CDH26: variants seen among roughly 807,000 people sequenced by gnomAD.
CDH26 encodes cadherin 26.
Under a neutral mutation model 90.3 loss-of-function variants are expected in CDH26, and 83 were observed. The ratio of observed to expected loss-of-function variants is 0.92; its 90% CI spans 0.77 to 1.10. CDH26 has a LOEUF of 1.10. CDH26 is among the 50% of genes least tolerant of loss of function. CDH26 has a pLI of 0.00. For missense variants in CDH26, 1,013 were observed against 1,037.6 expected (o/e 0.98, Z 0.33); for synonymous variants, 397 against 396.3 (o/e 1.00, Z -0.02).
intron 7 of CDH26, among the ~76,000 whole-genome samples, chr20:60,021,412 A>G (rs1172880146): frequency 6.6e-6 from 1 of 152,122 alleles, no homozygotes; most frequent in Non-Finnish European, 1.5e-5. Flanking sequence ...ACAGCCCACA[A>G]AGCCTTCATA....
chr20:59,999,232 C>T (rs2061642992), intron 13 of CDH26, among the ~76,000 whole-genome samples: 1 of 152,108 alleles, frequency 6.6e-6, no homozygotes, highest in South Asian at 2.1e-4. Context: ...GCACAGAATA[C>T]CATGCAATGC....
downstream of CDH26, among the ~76,000 whole-genome samples, chr20:60,034,324 C>A (rs1431350854): frequency 1.3e-5 from 2 of 152,184 alleles, no homozygotes. Context: ...GTGTCAGGAA[C>A]TGTGGGGCCA....
In CDH26 at chr20:60,006,890, G is replaced by C. The variant is rs138451752; in HGVS notation, c.2295+103G>C. 326 of 819,470 alleles carry C rather than the reference G, an allele frequency of 4.0e-4. 1 individual carries two copies. The Middle Eastern group carries it at 9.2e-3, about 23-fold the overall frequency. 50.8% of individuals were successfully genotyped at this position (819,470 alleles called of 1,614,324 possible). On this transcript the variant is annotated intron_variant, in intron 17 of 17. Coordinates refer to ENST00000348616, the MANE Select transcript of CDH26 (RefSeq NM_177980.4). ...CACTTCCTCCTAAATCACTGCATTAGTCAGCTAAGGCTGCCATAATAAAAT... is the reference window on the plus strand; with the variant it reads ...CACTTCCTCCTAAATCACTGCATTACTCAGCTAAGGCTGCCATAATAAAAT...
chr20:60,006,640 C>T, intron 16 of CDH26, 73 bp from the exon 17 acceptor site: 2 of 1,064,438 alleles, frequency 1.9e-6, no homozygotes, highest in South Asian at 2.5e-5. Context: ...ATGCTGGGGC[C>T]ACTGACACAC....
intron 5 of CDH26, among the ~76,000 whole-genome samples, chr20:59,983,924 G>C (rs1295134512): frequency 6.6e-6 from 1 of 152,120 alleles, no homozygotes; most frequent in Non-Finnish European, 1.5e-5. Flanking sequence ...GTGCTTTAAA[G>C]TATTTGACCG....
Position 59,989,177 on chromosome 20 carries a change from G to A in CDH26, c.1283+14G>A, listed in dbSNP as rs772810910. The A allele has an allele frequency of 6.2e-7, 1 of 1,612,666 alleles. No homozygotes were observed. Among genetic ancestry groups the A allele is most frequent in the Non-Finnish European group, 8.5e-7 (1 of 1,179,026 alleles). Reference sequence around the variant, plus strand: ...CAGCCAGATAAGGTGAGAAGAGAGGGCCAAGAAGGGCGGTTGTTTAAGTGG... The same window carrying A: ...CAGCCAGATAAGGTGAGAAGAGAGGACCAAGAAGGGCGGTTGTTTAAGTGG... On this transcript the variant is annotated intron_variant, in intron 9 of 17. Coordinates refer to ENST00000348616, the MANE Select transcript of CDH26 (RefSeq NM_177980.4).
At chr20:60,019,419 A>G (rs1314727450), downstream of CDH26, among the ~76,000 whole-genome samples, 4 of 152,054 alleles carry the variant, frequency 2.6e-5, no homozygotes, top group African/African-American at 7.2e-5. Context: ...TCTGCCTGTT[A>G]TTTCAAAAGA....
chr20:59,995,919 T>C lies in CDH26; in HGVS notation c.1753T>C (p.Ser585Pro), dbSNP rs745636335. Residue 585 changes from serine to proline, a missense_variant, in exon 12 of 18, where the codon TCC (serine) becomes CCC (proline). By Grantham distance (74) the Ser-to-Pro change is moderately conservative (BLOSUM62 -1). Coordinates refer to ENST00000348616, the MANE Select transcript of CDH26 (RefSeq NM_177980.4). ...PLFIGDKQGL[S>P]QKQTVHVRIC... ...CTTCATTGGAGACAAACAGGGACTT[T>C]CCCAGAAGCAAACTGTCCATGTAAG... 16 of 1,614,118 alleles carry C rather than the reference T, an allele frequency of 9.9e-6. No individual in the cohort carries two copies. In the African/African-American group the frequency reaches 1.6e-4, roughly 16 times the overall value.
intron 15 of CDH26, chr20:60,001,640 G>C (rs916130879): frequency 6.1e-6 from 6 of 978,882 alleles, no homozygotes; most frequent in African/African-American, 1.8e-5. Flanking sequence ...TGATAATCCT[G>C]ATCAAATATG....
intron 4 of CDH26, among the ~76,000 whole-genome samples, chr20:59,974,629 C>G (rs557555431): frequency 3.0e-4 from 46 of 152,260 alleles, no homozygotes; most frequent in Admixed American, 1.5e-3. Flanking sequence ...CTTGGAGCTC[C>G]CTGGCTAGGC....
chr20:60,000,822 CT>C (rs2061666778), intron 14 of CDH26, among the ~76,000 whole-genome samples: 1 of 152,194 alleles, frequency 6.6e-6, no homozygotes, highest in South Asian at 2.1e-4. Context: ...GAAGCCGTCA[CT>C]TATGATTTAT....
chr20:60,018,702 CTTT>C (rs55994712), downstream of CDH26, among the ~76,000 whole-genome samples: 1 of 17,790 alleles, frequency 5.6e-5, no homozygotes, highest in African/African-American at 2.3e-4. Flanking sequence ...CTCTTACTGC[CTTT>C]TTTTTTTTTT....
rs767240275 is a variant in CDH26, at chr20:59,996,748, G to T, written c.2006G>T (p.Gly669Val). 1.2e-6 allele frequency: 2 copies of T among 1,614,086 alleles called. No individual in the cohort carries two copies. The highest frequency in any genetic ancestry group is 2.7e-5 in the African/African-American group (2 of 74,930). The part of the protein sequence containing the change: ...TLVMYNAESK[G>V]TSAQTWSDVE... Reference sequence around the variant, plus strand: ...GTCATGTATAATGCGGAGAGCAAAGGCACTTCAGCCCAGGTAGTGGAATGT... The same window carrying T: ...GTCATGTATAATGCGGAGAGCAAAGTCACTTCAGCCCAGGTAGTGGAATGT... The change falls in exon 13 of 18, where the codon GGC becomes GTC. Residue 669 changes from glycine (G) to valine (V), a missense_variant. Physicochemically the swap from Gly to Val is moderately radical, Grantham distance 109. Transcript: ENST00000348616.
intron 7 of CDH26, among the ~76,000 whole-genome samples, chr20:59,987,199 T>C (rs953403158): frequency 6.6e-6 from 1 of 152,138 alleles, no homozygotes; most frequent in African/African-American, 2.4e-5. Flanking sequence ...ACTTTAAGAA[T>C]TATTTAGCGA....
chr20:60,022,672 C>T (rs2061967429), intron 7 of CDH26, among the ~76,000 whole-genome samples: 1 of 152,192 alleles, frequency 6.6e-6, no homozygotes, highest in Non-Finnish European at 1.5e-5. Context: ...GGTTTCCTCT[C>T]ATCAGAGAGT....
intron 4 of CDH26, among the ~76,000 whole-genome samples, chr20:59,977,133 G>A (rs979910980): frequency 2.0e-5 from 3 of 152,260 alleles, no homozygotes; most frequent in Non-Finnish European, 2.9e-5. Flanking sequence ...CAGGGCTTCC[G>A]CGGGGATGAG....
At chr20:60,019,428 G>T (rs2061934515), downstream of CDH26, among the ~76,000 whole-genome samples, 1 of 152,004 alleles carries the variant, frequency 6.6e-6, no homozygotes, top group Non-Finnish European at 1.5e-5. Context: ...TATTTCAAAA[G>T]ACTTGTCTTC....
chr20:60,006,870 C>A, intron 17 of CDH26, 83 bp downstream of exon 17: 1 of 994,338 alleles, frequency 1.0e-6, no homozygotes. Flanking sequence ...GGGGACACTT[C>A]CTCCTAAATC....
chr20:60,025,271 A>G (rs2061987936), intron 7 of CDH26, among the ~76,000 whole-genome samples: 1 of 152,278 alleles, frequency 6.6e-6, no homozygotes, highest in Non-Finnish European at 1.5e-5. Flanking sequence ...GCTATGCTTT[A>G]GAGTGATTGC....
Sources: allele counts gnomAD v4.1 joint callset (sites outside exome capture counted in the v4.1 genomes callset), GRCh38; gene constraint gnomAD v4.1.1; transcripts MANE v1.5; gene names NCBI Gene and HGNC (gene_info 2026-07-23, HGNC 2026-07-21).